The following STK32B variants were observed in gnomAD, a reference collection of about 807,000 sequenced individuals.
The protein encoded by STK32B is serine/threonine kinase 32B.
A neutral mutation model predicts 52.6 loss-of-function variants in STK32B; 43 were observed. That is an observed-to-expected ratio of 0.82 (90% CI 0.64 to 1.05). The LOEUF is 1.05. Ranked by LOEUF, STK32B falls within the 50% of genes least tolerant of loss-of-function variation. The pLI is 0.00. For missense variants in STK32B, 621 were observed against 534.6 expected, an observed-to-expected ratio of 1.16 and a Z score of -1.59; for synonymous variants, 238 against 204.3, an observed-to-expected ratio of 1.17 and a Z score of -1.41.
At chr4:5,268,337 A>G (rs1317310553) in intron 3 of STK32B, among the ~76,000 whole-genome samples, 1 of 152,016 alleles carries the variant, frequency 6.6e-6, no homozygotes, top group African/African-American at 2.4e-5. Context: ...CATACTCAGG[A>G]CTTCAGTGTT....
chr4:5,210,981 G>T (rs1413092249), intron 3 of STK32B, among the ~76,000 whole-genome samples: 3 of 151,442 alleles, frequency 2.0e-5, no homozygotes, highest in African/African-American at 7.3e-5. Context: ...TTTGTGTAGA[G>T]ATGGGGTCTA....
intron 9 of STK32B, among the ~76,000 whole-genome samples, chr4:5,464,419 A>G (rs1232893870): frequency 6.6e-6 from 1 of 152,204 alleles, no homozygotes; most frequent in Non-Finnish European, 1.5e-5. Flanking sequence ...GTGCCTAGGG[A>G]TACATCAGTG....
chr4:5,317,294 TAA>T (rs1731104396), intron 3 of STK32B, among the ~76,000 whole-genome samples: 3 of 34,082 alleles, frequency 8.8e-5, no homozygotes, highest in African/African-American at 7.1e-4. Flanking sequence ...AACATATATA[TAA>T]TATATAATAT....
chr4:5,226,276 C>T (rs1239074000), intron 3 of STK32B, among the ~76,000 whole-genome samples: 1 of 152,098 alleles, frequency 6.6e-6, no homozygotes, highest in Non-Finnish European at 1.5e-5. Context: ...ATTTTTCTTT[C>T]CTCCACGTTG....
chr4:5,346,380 G>A (rs1186144577), intron 4 of STK32B, among the ~76,000 whole-genome samples: 1 of 152,152 alleles, frequency 6.6e-6, no homozygotes, highest in East Asian at 1.9e-4. Flanking sequence ...TTGGGCCTTG[G>A]GCAGTATCCC....
chr4:5,170,778 A>G (rs1719306785), intron 3 of STK32B, among the ~76,000 whole-genome samples: 1 of 152,168 alleles, frequency 6.6e-6, no homozygotes, highest in African/African-American at 2.4e-5. Context: ...ATACGTGTGC[A>G]TGTGTCTTTA....
chr4:5,442,409 A>T (rs1577505714), intron 6 of STK32B, among the ~76,000 whole-genome samples: 2 of 151,914 alleles, frequency 1.3e-5, no homozygotes, highest in South Asian at 2.1e-4. Flanking sequence ...CTGTTTTATC[A>T]GAGACTAGGA....
intron 3 of STK32B, among the ~76,000 whole-genome samples, chr4:5,225,816 C>A (rs1041728800): frequency 6.6e-6 from 1 of 152,192 alleles, no homozygotes; most frequent in African/African-American, 2.4e-5. Flanking sequence ...TTTTCCATTT[C>A]CACATGGAAG....
At chr4:5,426,245 G>A (rs1335364179) in intron 6 of STK32B, among the ~76,000 whole-genome samples, 1 of 152,084 alleles carries the variant, frequency 6.6e-6, no homozygotes, top group Non-Finnish European at 1.5e-5. Context: ...CCAGTACTTG[G>A]TATCGTCCCA....
intron 3 of STK32B, among the ~76,000 whole-genome samples, chr4:5,296,607 T>C (rs1465260233): frequency 6.6e-6 from 1 of 152,194 alleles, no homozygotes; most frequent in Non-Finnish European, 1.5e-5. Context: ...TTGCTTTCCA[T>C]TTGCTTGGTG....
Position 5,188,857 on chromosome 4 carries a change from C to T in STK32B, c.260+20407C>T, listed in dbSNP as rs1267425956. On this transcript the variant is annotated intron_variant, in intron 3 of 11. Transcript: ENST00000282908. Reference sequence around the variant, plus strand: ...GGCAGGGAACATCACACACTGGGGCCTGTCAGGGGGTGGGGGGCTGGGGGA... The same window carrying T: ...GGCAGGGAACATCACACACTGGGGCTTGTCAGGGGGTGGGGGGCTGGGGGA... Among the ~76,000 whole-genome samples the T allele has an allele frequency of 5.1e-5, 7 of 137,386 alleles. No individual in the cohort carries two copies. The East Asian group carries it at 1.5e-3, about 29-fold the overall frequency. 90.1% of individuals were successfully genotyped at this position (137,386 alleles called of 152,430 possible).
chr4:5,125,263 C>G (rs1715292072), intron 1 of STK32B, among the ~76,000 whole-genome samples: 1 of 152,218 alleles, frequency 6.6e-6, no homozygotes, highest in Non-Finnish European at 1.5e-5. Context: ...GCTCAGGTTT[C>G]TGACCTACAG....
chr4:5,398,116 G>T lies in STK32B; in HGVS notation c.435-91G>T. 1 of 1,456,374 alleles carries T rather than the reference G, an allele frequency of 6.9e-7. No homozygotes were observed. Among genetic ancestry groups the T allele is most frequent in the Non-Finnish European group, 9.5e-7 (1 of 1,055,830 alleles). The allele number at this position is 1,456,374 out of a possible 1,614,324, so 90.2% of individuals were successfully genotyped here. A position where few individuals can be genotyped will look rare whatever the true frequency, so the allele number is the denominator to read the frequency against. Reference sequence around the variant, plus strand: ...TCAGGGAGAGGTGAGCAGCCTGGGTGTTCCAGCATTTGTCCTGATGTGGTG... The same window carrying T: ...TCAGGGAGAGGTGAGCAGCCTGGGTTTTCCAGCATTTGTCCTGATGTGGTG... On this transcript the variant is annotated intron_variant, in intron 4 of 11. Coordinates refer to ENST00000282908, the MANE Select transcript of STK32B (RefSeq NM_018401.3). The surrounding 1 kb of genome is among the most constrained non-coding windows in gnomAD (Gnocchi z 4.9).
At chr4:5,329,914 G>C (rs1732121735) in intron 3 of STK32B, among the ~76,000 whole-genome samples, 1 of 152,192 alleles carries the variant, frequency 6.6e-6, no homozygotes, top group Non-Finnish European at 1.5e-5. Context: ...TCCCTGTCCT[G>C]TAAGCATGTG....
chr4:5,274,975 A>C (rs1727716199), intron 3 of STK32B, among the ~76,000 whole-genome samples: 1 of 152,172 alleles, frequency 6.6e-6, no homozygotes, highest in African/African-American at 2.4e-5. Context: ...AATTGAGCTG[A>C]ACACTAGTCA....
chr4:5,354,999 G>C (rs1734077871), intron 4 of STK32B, among the ~76,000 whole-genome samples: 1 of 152,152 alleles, frequency 6.6e-6, no homozygotes, highest in African/African-American at 2.4e-5. Flanking sequence ...CTGGAAGAGG[G>C]AGGGAAACAT....
At chr4:5,476,594 C>T (rs140045535) in intron 11 of STK32B, among the ~76,000 whole-genome samples, 242 of 152,118 alleles carry the variant, frequency 1.6e-3, no homozygotes, top group Non-Finnish European at 2.8e-3. Context: ...CCTGAGAACC[C>T]TGTGTTGTGA....
chr4:5,387,406 C>T (rs1736330265), intron 4 of STK32B, among the ~76,000 whole-genome samples: 1 of 152,118 alleles, frequency 6.6e-6, no homozygotes, highest in South Asian at 2.1e-4. Context: ...GCACATATAC[C>T]CTGTGCTCAC....
intron 1 of STK32B, among the ~76,000 whole-genome samples, chr4:5,138,620 C>T (rs954416552): frequency 5.3e-5 from 8 of 152,254 alleles, no homozygotes; most frequent in Non-Finnish European, 1.0e-4. Flanking sequence ...AAAAAATAAA[C>T]ATGGCCCTTG....
Sources: allele counts gnomAD v4.1 joint callset (sites outside exome capture counted in the v4.1 genomes callset), GRCh38; gene constraint gnomAD v4.1.1; non-coding constraint Gnocchi (gnomAD v3.1); transcripts MANE v1.5; gene names NCBI Gene and HGNC (gene_info 2026-07-23, HGNC 2026-07-21).